The following CCDC73 variants were observed in gnomAD, a reference collection of about 807,000 sequenced individuals.
CCDC73 encodes coiled-coil domain containing 73.
A neutral mutation model predicts 116.5 loss-of-function variants in CCDC73; 95 were observed. That is an observed-to-expected ratio of 0.82 (90% CI 0.69 to 0.97). The LOEUF is 0.97. Among genes scored for constraint, CCDC73 ranks in the 50% least tolerant of loss-of-function variants. The pLI, the probability that CCDC73 is intolerant of heterozygous loss-of-function variation, is 0.00. For missense variants in CCDC73, 1,066 were observed against 1,206.8 expected, an observed-to-expected ratio of 0.88 and a Z score of 1.73; for synonymous variants, 398 against 401.3, an observed-to-expected ratio of 0.99 and a Z score of 0.10.
chr11:32,650,193 T>C (rs1346825416), intron 12 of CCDC73, among the ~76,000 whole-genome samples: 1 of 152,218 alleles, frequency 6.6e-6, no homozygotes, highest in Non-Finnish European at 1.5e-5. Flanking sequence ...TTAGTATAAC[T>C]GATCTAACAA....
chr11:32,651,337 CTGT>C (rs1393312217), intron 12 of CCDC73, among the ~76,000 whole-genome samples: 3 of 152,230 alleles, frequency 2.0e-5, no homozygotes, highest in Non-Finnish European at 4.4e-5. Flanking sequence ...ACAAAGACAA[CTGT>C]TGTTATGTCT....
chr11:32,669,718 A>G (rs1039799687), intron 9 of CCDC73, among the ~76,000 whole-genome samples: 4 of 151,560 alleles, frequency 2.6e-5, no homozygotes, highest in Admixed American at 6.6e-5. Flanking sequence ...TGTAATGTTT[A>G]TCTTTCTGTG....
intron 3 of CCDC73, among the ~76,000 whole-genome samples, chr11:32,703,265 T>C (rs1374870537): frequency 6.6e-6 from 1 of 152,024 alleles, no homozygotes; most frequent in Non-Finnish European, 1.5e-5. Flanking sequence ...TTTTTGCACT[T>C]TTTGTAAAGA....
chr11:32,677,860 G>A (rs1856103209), intron 7 of CCDC73, among the ~76,000 whole-genome samples: 1 of 144,356 alleles, frequency 6.9e-6, no homozygotes, highest in Non-Finnish European at 1.5e-5. Flanking sequence ...GCTGAGACAG[G>A]AGAATCATTT....
intron 6 of CCDC73, among the ~76,000 whole-genome samples, chr11:32,687,494 A>T (rs1345531289): frequency 6.6e-6 from 1 of 152,232 alleles, no homozygotes; most frequent in Non-Finnish European, 1.5e-5. Flanking sequence ...TGATAATGAA[A>T]GTCAGATTTC....
intron 1 of CCDC73, among the ~76,000 whole-genome samples, chr11:32,789,934 T>A (rs1158056298): frequency 6.6e-6 from 1 of 152,206 alleles, no homozygotes; most frequent in Non-Finnish European, 1.5e-5. Flanking sequence ...GGAAGGTGAC[T>A]TCTGGGCTAA....
chr11:32,746,270 T>A (rs1038432030), intron 2 of CCDC73, among the ~76,000 whole-genome samples: 1 of 152,250 alleles, frequency 6.6e-6, no homozygotes. Context: ...CTCTTCTGGC[T>A]TGTAGAGTTT....
intron 13 of CCDC73, among the ~76,000 whole-genome samples, chr11:32,637,013 T>C (rs894494909): frequency 1.9e-5 from 2 of 107,498 alleles, no homozygotes; most frequent in African/African-American, 7.6e-5. Context: ...CACTTTTTCT[T>C]TTTCTTTTTT....
At chr11:32,706,759 C>A (rs905531583) in intron 3 of CCDC73, among the ~76,000 whole-genome samples, 1 of 152,160 alleles carries the variant, frequency 6.6e-6, no homozygotes, top group Admixed American at 6.5e-5. Flanking sequence ...CCTGTTTCAG[C>A]CTGTTAACTG....
intron 14 of CCDC73, among the ~76,000 whole-genome samples, chr11:32,623,083 A>G (rs2133229828): frequency 6.6e-6 from 1 of 152,132 alleles, no homozygotes; most frequent in South Asian, 2.1e-4. Context: ...ATCTCAGCTC[A>G]TTGTAACCTC....
chr11:32,629,419 T>C (rs775927031), intron 14 of CCDC73, among the ~76,000 whole-genome samples: 5 of 13,684 alleles, frequency 3.7e-4, no homozygotes, highest in African/African-American at 2.6e-3. Flanking sequence ...ATAAAGACAC[T>C]TTTTTTTTTT....
the CCDC73 span, among the ~76,000 whole-genome samples, chr11:32,827,900 T>C: frequency 1.3e-5 from 2 of 152,148 alleles, no homozygotes; most frequent in African/African-American, 4.8e-5. Context: ...GGTGTTCTAG[T>C]GAAAATGTTT....
chr11:32,641,388 A>G (rs1855731678), intron 13 of CCDC73, among the ~76,000 whole-genome samples: 1 of 152,098 alleles, frequency 6.6e-6, no homozygotes, highest in Non-Finnish European at 1.5e-5. Flanking sequence ...TTACACTATT[A>G]TCTACCTTGC....
In CCDC73 at chr11:32,645,271, T is replaced by A. The variant is rs182242384; in HGVS notation, c.940-3189A>T. ...TGCCTGAGGCTGTTTCACAGTTAACTTTTTTTTCTTTTTCTTTTTCTTTTT... is the reference window on the plus strand; with the variant it reads ...TGCCTGAGGCTGTTTCACAGTTAACATTTTTTTCTTTTTCTTTTTCTTTTT... On this transcript the variant is annotated intron_variant, in intron 12 of 17. Transcript: ENST00000335185. Among the ~76,000 whole-genome samples the A allele has an allele frequency of 3.7e-3, 538 of 143,856 alleles. 3 individuals are homozygous for A. Among genetic ancestry groups the A allele is most frequent in the Non-Finnish European group, 5.7e-3 (380 of 66,290 alleles). The allele number at this position is 143,856 out of a possible 152,430, so 94.4% of individuals were successfully genotyped here.
chr11:32,670,415 A>C (rs974377830), intron 9 of CCDC73, among the ~76,000 whole-genome samples: 1 of 151,944 alleles, frequency 6.6e-6, no homozygotes, highest in African/African-American at 2.4e-5. Context: ...CCAGCTACTC[A>C]GGAGGCTGAG....
intron 2 of CCDC73, among the ~76,000 whole-genome samples, chr11:32,736,957 C>CATAT (rs1565088868): frequency 2.7e-5 from 4 of 149,506 alleles, no homozygotes; most frequent in Admixed American, 6.7e-5. Context: ...TATATATACA[C>CATAT]ACATATACAT....
At chr11:32,615,862 G>A (rs1403872432) in intron 15 of CCDC73, 78 bp downstream of exon 15, 15 of 1,250,148 alleles carry the variant, frequency 1.2e-5, no homozygotes, top group Non-Finnish European at 1.7e-5. Flanking sequence ...AGGGGAGGCA[G>A]AATGTAATTT....
At chr11:32,786,593 T>C (rs1414788833) in intron 1 of CCDC73, among the ~76,000 whole-genome samples, 1 of 149,570 alleles carries the variant, frequency 6.7e-6, no homozygotes, top group Admixed American at 6.7e-5. Context: ...TCAGCATTCA[T>C]CATATTATTT....
At chr11:32,625,347 G>A (rs1013610750) in intron 14 of CCDC73, among the ~76,000 whole-genome samples, 8 of 152,228 alleles carry the variant, frequency 5.3e-5, no homozygotes, top group South Asian at 2.1e-4. Flanking sequence ...TATTTTGCTC[G>A]TTAGTTGATG....
Sources: gnomAD v4.1 joint callset for allele counts (sites outside exome capture counted in the v4.1 genomes callset) on GRCh38, gnomAD v4.1.1 for gene constraint, MANE v1.5 for transcripts, NCBI Gene and HGNC (gene_info 2026-07-23, HGNC 2026-07-21) for gene names.